The following ADAM9 variants were observed in gnomAD, a reference collection of about 807,000 sequenced individuals.
The protein encoded by ADAM9 is ADAM metallopeptidase domain 9, also known as disintegrin and metalloproteinase domain-containing protein 9.
In ADAM9, 54 loss-of-function variants were observed where a neutral mutation model predicts 108.1. The observed-to-expected ratio is 0.50, with a 90% CI of 0.40 to 0.63. The LOEUF (loss-of-function observed/expected upper bound fraction) is 0.63. Ranked by LOEUF, ADAM9 falls within the 20% of genes least tolerant of loss-of-function variation. The pLI, the probability that ADAM9 is intolerant of heterozygous loss-of-function variation, is 0.00. For synonymous variants in ADAM9, 316 were observed against 336.0 expected, an observed-to-expected ratio of 0.94 and a Z score of 0.65; for missense variants, 830 against 997.7, an observed-to-expected ratio of 0.83 and a Z score of 2.26.
intron 14 of ADAM9, among the ~76,000 whole-genome samples, chr8:39,066,896 C>G (rs1838496959): frequency 6.6e-6 from 1 of 152,168 alleles, no homozygotes; most frequent in Admixed American, 6.5e-5. Flanking sequence ...TCTAACATTT[C>G]AGTCTTTAAT....
chr8:39,054,400 T>G (rs2129438648), intron 12 of ADAM9, 81 bp from the exon 13 acceptor site: 1 of 1,224,902 alleles, frequency 8.2e-7, no homozygotes, highest in Middle Eastern at 1.9e-4. Flanking sequence ...AAGTAGATTT[T>G]AGGTGTAAGA....
At chr8:39,087,462 G>A (rs1277695632) in intron 18 of ADAM9, among the ~76,000 whole-genome samples, 5 of 152,148 alleles carry the variant, frequency 3.3e-5, no homozygotes, top group Non-Finnish European at 7.3e-5. Context: ...ACTTCACTTA[G>A]CTGTTTTCTA....
At chr8:39,057,360 TATA>T (rs1480898364) in intron 14 of ADAM9, among the ~76,000 whole-genome samples, 1 of 148,568 alleles carries the variant, frequency 6.7e-6, no homozygotes, top group African/African-American at 2.4e-5. Context: ...ATAATTTACA[TATA>T]ATATATTAAA....
intron 14 of ADAM9, among the ~76,000 whole-genome samples, chr8:39,068,866 G>A (rs1300241037): frequency 1.3e-5 from 2 of 151,804 alleles, no homozygotes; most frequent in South Asian, 2.1e-4. Context: ...TTGAGTCCTG[G>A]AACCTTGTGT....
At chr8:39,036,075 C>T (rs892915699) in intron 11 of ADAM9, among the ~76,000 whole-genome samples, 2 of 151,518 alleles carry the variant, frequency 1.3e-5, no homozygotes, top group Non-Finnish European at 2.9e-5. Context: ...ATTTTTTCCC[C>T]CTCAGATAAC....
chr8:39,014,473 A>G, intron 4 of ADAM9: 1 of 674,672 alleles, frequency 1.5e-6, no homozygotes, highest in Non-Finnish European at 2.7e-6. Context: ...TTTTTCTGAA[A>G]ATAATTGTTT....
chr8:38,997,258 T>A, intron 1 of ADAM9, 98 bp downstream of exon 1: 1 of 1,373,148 alleles, frequency 7.3e-7, no homozygotes, highest in Non-Finnish European at 1.0e-6. Context: ...GGGCCCGGCC[T>A]GGGGATCGGA....
At chr8:39,042,465 C>A (rs1025919351) in intron 12 of ADAM9, among the ~76,000 whole-genome samples, 6 of 152,044 alleles carry the variant, frequency 3.9e-5, no homozygotes, top group African/African-American at 1.2e-4. Flanking sequence ...ACTGCCATTG[C>A]AGGAATATTT....
intron 14 of ADAM9, among the ~76,000 whole-genome samples, chr8:39,062,400 C>T (rs2129439954): frequency 6.6e-6 from 1 of 152,306 alleles, no homozygotes; most frequent in East Asian, 1.9e-4. Flanking sequence ...TCAAATTAGA[C>T]TTTTGTTTAC....
chr8:39,012,809 G>A (rs1017699631), intron 3 of ADAM9, among the ~76,000 whole-genome samples: 1 of 152,144 alleles, frequency 6.6e-6, no homozygotes, highest in Non-Finnish European at 1.5e-5. Context: ...GGTAGGGGGA[G>A]TGGGGAGGGA....
chr8:39,023,075 A>G, intron 8 of ADAM9, 81 bp from the exon 9 acceptor site: 1 of 1,241,566 alleles, frequency 8.1e-7, no homozygotes, highest in South Asian at 1.4e-5. Context: ...TAATTTAAGT[A>G]GCCGTGTTAC....
rs749636766 is a variant in ADAM9 at position 38,996,978 on chromosome 8, T to TG, written c.-82dup. On this transcript the variant is annotated 5_prime_UTR_variant, in exon 1 of 22. Coordinates refer to ENST00000487273, the MANE Select transcript of ADAM9 (RefSeq NM_003816.3). Reference sequence around the variant, plus strand: ...GGCGCGCGCGCTTCCCGGCCAGACTTGGGGCCCCGGCAGGGTTGGAAAATG... The same window carrying TG: ...GGCGCGCGCGCTTCCCGGCCAGACTTGGGGGCCCCGGCAGGGTTGGAAAATG... 14 of 1,530,092 alleles carry TG rather than the reference T, an allele frequency of 9.1e-6. No individual in the cohort carries two copies. Among genetic ancestry groups the TG allele is most frequent in the African/African-American group, 1.4e-5 (1 of 72,942 alleles). 94.8% of individuals were successfully genotyped at this position (1,530,092 alleles called of 1,614,324 possible).
chr8:39,091,062 A>G (rs1342558506), intron 19 of ADAM9, among the ~76,000 whole-genome samples, 197 bp from the exon 20 acceptor site: 3 of 152,248 alleles, frequency 2.0e-5, no homozygotes, highest in African/African-American at 7.2e-5. Context: ...GTGGTTAGTA[A>G]TGCTTTCTAA....
chr8:39,045,331 T>TACATACATATA lies in ADAM9; in HGVS notation c.1302+3214_1302+3215insACATACATATA, dbSNP rs1837676220. Among the ~76,000 whole-genome samples, 52 of 147,978 alleles carry TACATACATATA rather than the reference T, an allele frequency of 3.5e-4. 13 individuals are homozygous for TACATACATATA. Among genetic ancestry groups the TACATACATATA allele is most frequent in the African/African-American group, 1.3e-3 (50 of 39,862 alleles). ...GTGTGTGTACACCTATACATGTGTG[T>TACATACATATA]GTACACCTATACATGTGTGTACATA... On this transcript the variant is annotated intron_variant, in intron 12 of 21. Coordinates refer to ENST00000487273, the MANE Select transcript of ADAM9 (RefSeq NM_003816.3).
intron 18 of ADAM9, 134 bp from the exon 19 acceptor site, chr8:39,089,913 C>A (rs189051999): frequency 3.0e-6 from 3 of 994,890 alleles, no homozygotes; most frequent in Non-Finnish European, 3.2e-6. Flanking sequence ...TTGTGGAAGA[C>A]TTCTCAATAT....
At chr8:39,086,354 T>G (rs1244417973) in intron 18 of ADAM9, among the ~76,000 whole-genome samples, 1 of 152,212 alleles carries the variant, frequency 6.6e-6, no homozygotes, top group Non-Finnish European at 1.5e-5. Context: ...TTCTCCATGT[T>G]TAATTTTGAG....
intron 20 of ADAM9, among the ~76,000 whole-genome samples, chr8:39,098,992 A>G (rs1196153439): frequency 6.6e-6 from 1 of 152,066 alleles, no homozygotes; most frequent in African/African-American, 2.4e-5. Context: ...AAATGTTAGG[A>G]ACTCTGGTCC....
At chr8:39,055,852 A>T in intron 14 of ADAM9, 80 bp downstream of exon 14, 1 of 1,399,992 alleles carries the variant, frequency 7.1e-7, no homozygotes, top group Non-Finnish European at 9.8e-7. Context: ...GTAATGAAAC[A>T]TTATTGATAA....
intron 12 of ADAM9, among the ~76,000 whole-genome samples, chr8:39,045,720 G>T (rs1037063201): frequency 1.3e-5 from 2 of 151,866 alleles, no homozygotes; most frequent in African/African-American, 2.4e-5. Flanking sequence ...TTTTCCTCTG[G>T]GTAGATACCC....
Sources: gnomAD v4.1 joint callset for allele counts (sites outside exome capture counted in the v4.1 genomes callset) on GRCh38, gnomAD v4.1.1 for gene constraint, MANE v1.5 for transcripts, NCBI Gene and HGNC (gene_info 2026-07-23, HGNC 2026-07-21) for gene names.